The following PEAR1 variants were observed in gnomAD, a reference collection of about 807,000 sequenced individuals.
The protein encoded by PEAR1 is multiple EGF-like domains protein 12.
A neutral mutation model predicts 131.2 loss-of-function variants in PEAR1; 113 were observed. The ratio of observed to expected loss-of-function variants is 0.86; its 90% CI spans 0.74 to 1.01. The LOEUF is 1.01. Ranked by LOEUF, PEAR1 falls within the 50% of genes least tolerant of loss-of-function variation. PEAR1 has a pLI of 0.00. For synonymous variants in PEAR1, 565 were observed against 523.3 expected (o/e 1.08, Z -1.09); for missense variants, 1,408 against 1,391.1 (o/e 1.01, Z -0.19).
Position 156,907,735 on chromosome 1 carries a change from G to A in PEAR1, c.765+5G>A. ...AGCTGCCCCCCTGGCTGGATGGTAT[G>A]GAGGGTGGGGCCTGTGGGCATGGGG... On this transcript the variant is annotated splice_donor_5th_base_variant and intron_variant, in intron 7 of 22. Coordinates refer to ENST00000292357, the MANE Select transcript of PEAR1 (RefSeq NM_001080471.3). The A allele has an allele frequency of 4.4e-6, 7 of 1,605,510 alleles. No homozygotes were observed. The highest frequency in any genetic ancestry group is 5.1e-6 in the Non-Finnish European group (6 of 1,175,326).
intron 1 of PEAR1, among the ~76,000 whole-genome samples, chr1:156,903,322 C>G (rs1362364745): frequency 2.0e-5 from 3 of 152,148 alleles, no homozygotes; most frequent in Non-Finnish European, 4.4e-5. Flanking sequence ...GAACTCACCA[C>G]CTGAGGTAGC....
intron 1 of PEAR1, among the ~76,000 whole-genome samples, chr1:156,903,533 T>C (rs1274002540): frequency 2.0e-5 from 3 of 151,996 alleles, no homozygotes; most frequent in Admixed American, 1.3e-4. Flanking sequence ...GAGGTCATGG[T>C]CAGGGAGCAG....
At chr1:156,893,949 T>C (rs1393013580) in intron 1 of PEAR1, 112 bp downstream of exon 1, 1 of 151,630 alleles carries the variant, frequency 6.6e-6, no homozygotes, top group Non-Finnish European at 1.5e-5. Flanking sequence ...TCGACTGGAG[T>C]CTGAGGCCCC....
intron 1 of PEAR1, among the ~76,000 whole-genome samples, chr1:156,894,303 G>A (rs1648942653): frequency 6.6e-6 from 1 of 152,226 alleles, no homozygotes; most frequent in African/African-American, 2.4e-5. Context: ...TCTTGGTCAA[G>A]AGGCCTGACC....
rs760229756 is a variant in PEAR1 at position 156,909,805 on chromosome 1, G to A, written c.1466G>A (p.Ser489Asn). ...VPCPPGTWGFSCNASCQCAHE... is the reference protein window; with the variant it reads ...VPCPPGTWGFNCNASCQCAHE... ...TGCCCACCCGGAACCTGGGGCTTCA[G>A]TTGCAATGCCAGCTGCCAGTGTGCC... Residue 489 changes from serine to asparagine, a missense_variant, in exon 12 of 23, where the codon AGT (serine) becomes AAT (asparagine). By Grantham distance (46) the Ser-to-Asn change is conservative. Transcript: ENST00000292357. The A allele has an allele frequency of 3.7e-6, 6 of 1,614,024 alleles. No individual in the cohort carries two copies. The highest frequency in any genetic ancestry group is 1.7e-4 in the Middle Eastern group (1 of 6,060).
Position 156,908,231 on chromosome 1 carries a change from T to C in PEAR1, c.1006T>C (p.Cys336Arg). The change falls in exon 9 of 23, where the codon TGC becomes CGC. Residue 336 changes from cysteine (C) to arginine (R), a missense_variant. By Grantham distance (180) the Cys-to-Arg change is radical (BLOSUM62 -3). Coordinates refer to ENST00000292357, the MANE Select transcript of PEAR1 (RefSeq NM_001080471.3). The surrounding 1 kb of genome is among the most constrained non-coding windows in gnomAD (Gnocchi z 4.2). ...CTTCCCGGCCAACGGCGCATGTCTGTGCGAACACGGCTTCACTGGGGACCG... is the reference window on the plus strand; with the variant it reads ...CTTCCCGGCCAACGGCGCATGTCTGCGCGAACACGGCTTCACTGGGGACCG... Reference protein sequence around the residue: ...RCFPANGACLCEHGFTGDRCT... With the variant: ...RCFPANGACLREHGFTGDRCT... The C allele has an allele frequency of 6.2e-7, 1 of 1,601,780 alleles. No homozygotes were observed. The highest frequency in any genetic ancestry group is 1.1e-5 in the South Asian group (1 of 89,790).
intron 1 of PEAR1, among the ~76,000 whole-genome samples, chr1:156,900,368 G>C (rs531571867): frequency 6.1e-5 from 9 of 148,172 alleles, no homozygotes; most frequent in Admixed American, 1.4e-4. Context: ...CACCCCATAA[G>C]AGAGACTTTT....
At chr1:156,905,281 G>A (rs755366817) in intron 3 of PEAR1, 43 bp from the exon 4 acceptor site, 21 of 1,585,134 alleles carry the variant, frequency 1.3e-5, no homozygotes, top group Admixed American at 1.7e-5. Context: ...TGGTGAGTGC[G>A]GACAGCAGGG....
chr1:156,910,070 C>T lies in PEAR1; in HGVS notation c.1640C>T (p.Pro547Leu). 2 of 1,614,178 alleles carry T rather than the reference C, an allele frequency of 1.2e-6. No homozygotes were observed. Among genetic ancestry groups the T allele is most frequent in the Non-Finnish European group, 1.7e-6 (2 of 1,180,032 alleles). ...TGTGACCACTCTGATGGCTGTGACC[C>T]TGTTCATGGACGCTGTCAGTGCCAG... ...CDCDHSDGCD[P>L]VHGRCQCQAG... The change falls in exon 13 of 23, where the codon CCT becomes CTT. Residue 547 changes from proline (P) to leucine (L), a missense_variant. By Grantham distance (98) the Pro-to-Leu change is moderately conservative (BLOSUM62 -3). Coordinates refer to ENST00000292357, the MANE Select transcript of PEAR1 (RefSeq NM_001080471.3).
intron 18 of PEAR1, 34 bp from the exon 19 acceptor site, chr1:156,913,160 C>A: frequency 6.2e-7 from 1 of 1,603,730 alleles, no homozygotes; most frequent in Non-Finnish European, 8.5e-7. Flanking sequence ...CTGCCCATCG[C>A]TGAGCTCACC....
chr1:156,909,268 A>G (rs1416371744), intron 11 of PEAR1, among the ~76,000 whole-genome samples: 1 of 152,160 alleles, frequency 6.6e-6, no homozygotes, highest in Non-Finnish European at 1.5e-5. Context: ...GCCAAAAGCC[A>G]CCTCACTGGC....
intron 1 of PEAR1, among the ~76,000 whole-genome samples, chr1:156,900,613 C>T (rs1476727949): frequency 1.3e-5 from 2 of 152,172 alleles, no homozygotes; most frequent in African/African-American, 4.8e-5. Context: ...ACGTAAATCT[C>T]TCAACACCCT....
rs1457182249 is a variant in PEAR1, at chr1:156,910,645, G to C, written c.1853G>C (p.Arg618Pro). The change falls in exon 15 of 23, where the codon CGC becomes CCC. Residue 618 changes from arginine (R) to proline (P), a missense_variant. Coordinates refer to ENST00000292357, the MANE Select transcript of PEAR1 (RefSeq NM_001080471.3). ...TGTCAGCCTGGCCGCTATGGCAAACGCTGTGTGCCCTGCAAGTGCGCTAAC... is the reference window on the plus strand; with the variant it reads ...TGTCAGCCTGGCCGCTATGGCAAACCCTGTGTGCCCTGCAAGTGCGCTAAC... ...RSCQPGRYGK[R>P]CVPCKCANHS... 44 of 1,613,976 alleles carry C rather than the reference G, an allele frequency of 2.7e-5. No individual in the cohort carries two copies. Among genetic ancestry groups the C allele is most frequent in the Non-Finnish European group, 3.6e-5 (42 of 1,180,026 alleles).
chr1:156,911,277 CTT>C (rs1651172827), intron 15 of PEAR1, among the ~76,000 whole-genome samples: 1 of 126,038 alleles, frequency 7.9e-6, no homozygotes, highest in African/African-American at 3.5e-5. Flanking sequence ...CTCCCTCTCT[CTT>C]TCTTTCTTTT....
rs1649959169 is a variant in PEAR1, at chr1:156,904,056, G to A, written c.101+29G>A. ...AGAGGGCCCCTGCTGCACCTTGAGG[G>A]CACCAAGCCCTAGCTCCCGATTGTC... On this transcript the variant is annotated intron_variant, in intron 2 of 22. Transcript: ENST00000292357. 8.2e-6 allele frequency: 13 copies of A among 1,578,204 alleles called. No individual in the cohort carries two copies. The East Asian group carries it at 2.7e-4, about 33-fold the overall frequency.
At chr1:156,899,472 C>G (rs1399572507) in intron 1 of PEAR1, among the ~76,000 whole-genome samples, 1 of 152,150 alleles carries the variant, frequency 6.6e-6, no homozygotes, top group Non-Finnish European at 1.5e-5. Context: ...CTCCTGCCCC[C>G]ACTTCCTTTC....
In PEAR1 at chr1:156,914,059, G is replaced by A. The variant is rs1396058258; in HGVS notation, c.2921G>A (p.Arg974Lys). The change falls in exon 22 of 23, where the codon AGA (arginine) becomes AAA (lysine). Residue 974 changes from arginine to lysine, a missense_variant. Physicochemically the swap from Arg to Lys is conservative, Grantham distance 26. Coordinates refer to ENST00000292357, the MANE Select transcript of PEAR1 (RefSeq NM_001080471.3). Reference protein sequence around the residue: ...SQRRRQPQPQRDSGTYEQPSP... With the variant: ...SQRRRQPQPQKDSGTYEQPSP... ...AGGCGGCGGCAACCCCAGCCACAGAGAGACAGTGGCACCTACGAGCAGCCC... is the reference window on the plus strand; with the variant it reads ...AGGCGGCGGCAACCCCAGCCACAGAAAGACAGTGGCACCTACGAGCAGCCC... 1 of 1,607,894 alleles carries A rather than the reference G, an allele frequency of 6.2e-7. No individual in the cohort carries two copies.
chr1:156,903,949 T>A lies in PEAR1; in HGVS notation c.23T>A (p.Leu8His). The change falls in exon 2 of 23, where the codon CTC (leucine) becomes CAC (histidine). Residue 8 changes from leucine to histidine, a missense_variant. Coordinates refer to ENST00000292357, the MANE Select transcript of PEAR1 (RefSeq NM_001080471.3). Reference sequence around the variant, plus strand: ...GCAATGTCACCGCCTCTGTGTCCCCTCCTTCTCCTGGCTGTGGGCCTGCGG... The same window carrying A: ...GCAATGTCACCGCCTCTGTGTCCCCACCTTCTCCTGGCTGTGGGCCTGCGG... MSPPLCPLLLLAVGLRLA... is the reference protein window; with the variant it reads MSPPLCPHLLLAVGLRLA... The A allele has an allele frequency of 6.2e-7, 1 of 1,614,000 alleles. No individual in the cohort carries two copies. The highest frequency in any genetic ancestry group is 8.5e-7 in the Non-Finnish European group (1 of 1,179,974).
At chr1:156,899,937 T>C (rs536028120) in intron 1 of PEAR1, among the ~76,000 whole-genome samples, 5 of 152,264 alleles carry the variant, frequency 3.3e-5, no homozygotes, top group Non-Finnish European at 7.4e-5. Flanking sequence ...CCTTACTCTC[T>C]GCTTTCTATA....
Sources: allele counts gnomAD v4.1 joint callset (sites outside exome capture counted in the v4.1 genomes callset), GRCh38; gene constraint gnomAD v4.1.1; non-coding constraint Gnocchi (gnomAD v3.1); transcripts MANE v1.5; gene names NCBI Gene and HGNC (gene_info 2026-07-23, HGNC 2026-07-21).